Variants in DOCK9 observed in about 807,000 individuals in gnomAD.
DOCK9 encodes the protein dedicator of cytokinesis protein 9.
Under a neutral mutation model 263.3 loss-of-function variants are expected in DOCK9, and 89 were observed. That is an observed-to-expected ratio of 0.34 (90% CI 0.28 to 0.40). The LOEUF is 0.40. DOCK9 is among the 10% of genes least tolerant of loss of function. The pLI is 1.00. For missense variants in DOCK9, 2,140 were observed against 2,603.4 expected, an observed-to-expected ratio of 0.82 and a Z score of 3.87; for synonymous variants, 976 against 973.1, an observed-to-expected ratio of 1.00 and a Z score of -0.06.
chr13:98,883,846 A>G lies in DOCK9; in HGVS notation c.2436T>C (p.Ile812=). Residue 812 remains isoleucine (I), a synonymous_variant, in exon 22 of 53, where the codon ATT becomes ATC. Coordinates refer to ENST00000682017, the MANE Select transcript of DOCK9 (RefSeq NM_001366683.2). The part of the protein sequence containing the change: ...WVDGGKPLLK[I]STHLVSTVYT... ...ACACTGTAGAAACCAGATGAGTGGA[A>G]ATTTTCAGCAGTGGCTTGCCTCCAT... is the stretch of plus-strand genomic sequence containing the variant. 1 of 1,612,734 alleles carries G rather than the reference A, an allele frequency of 6.2e-7. No individual in the cohort carries two copies. Among genetic ancestry groups the G allele is most frequent in the Non-Finnish European group, 8.5e-7 (1 of 1,179,488 alleles).
chr13:98,964,710 G>A (rs1403330573), intron 1 of DOCK9, among the ~76,000 whole-genome samples: 3 of 152,262 alleles, frequency 2.0e-5, no homozygotes, highest in African/African-American at 4.8e-5. Context: ...CTGCATAAAG[G>A]GGGCTTGGGG....
chr13:98,963,177 T>A (rs550658658), intron 1 of DOCK9, among the ~76,000 whole-genome samples: 3 of 152,228 alleles, frequency 2.0e-5, no homozygotes, highest in Admixed American at 6.5e-5. Context: ...ACACCTCCCA[T>A]GGGGGCCAGA....
intron 14 of DOCK9, 44 bp downstream of exon 14, chr13:98,898,135 C>A: frequency 7.1e-7 from 1 of 1,398,708 alleles, no homozygotes; most frequent in Non-Finnish European, 1.0e-6. Flanking sequence ...CCCATCCATG[C>A]ACCTATCTAT....
intron 1 of DOCK9, among the ~76,000 whole-genome samples, chr13:99,010,725 T>TTCTACCAGAG (rs1450358240): frequency 1.3e-5 from 2 of 152,240 alleles, no homozygotes; most frequent in African/African-American, 4.8e-5. Context: ...GTACATCTCC[T>TTCTACCAGAG]AATGTAGCGC....
At chr13:98,816,500 C>T (rs1238169475) in intron 45 of DOCK9, among the ~76,000 whole-genome samples, 1 of 151,958 alleles carries the variant, frequency 6.6e-6, no homozygotes, top group African/African-American at 2.4e-5. Flanking sequence ...GAAGAAAGAA[C>T]AGTCAGGTGA....
rs1218014892 is a variant in DOCK9, at chr13:98,837,562, C to A, written c.4246G>T (p.Ala1416Ser). ...AGGCAAACCTCAGTAGCAATGTTGG[C>A]TTCAAGTAATGACTGGTGCAGAACA... is the stretch of plus-strand genomic sequence containing the variant. ...ADVLHQSLLE[A>S]NIATEVCLTA... The change falls in exon 39 of 53, where the codon GCC becomes TCC. Residue 1416 changes from alanine (A) to serine (S), a missense_variant. By Grantham distance (99) the Ala-to-Ser change is moderately conservative (BLOSUM62 1). Transcript: ENST00000682017. The A allele has an allele frequency of 2.5e-6, 4 of 1,613,660 alleles. No homozygotes were observed. The highest frequency in any genetic ancestry group is 2.5e-6 in the Non-Finnish European group (3 of 1,179,738).
At chr13:98,806,723 A>G (rs1206108700) in intron 48 of DOCK9, among the ~76,000 whole-genome samples, 2 of 152,140 alleles carry the variant, frequency 1.3e-5, no homozygotes. Context: ...AACCTGGCCA[A>G]CATGGTGAAA....
intron 48 of DOCK9, among the ~76,000 whole-genome samples, chr13:98,807,317 T>C (rs1594183095): frequency 6.6e-6 from 1 of 152,258 alleles, no homozygotes; most frequent in East Asian, 1.9e-4. Context: ...AGTGACAGAG[T>C]GGCAAGTCAT....
At chr13:98,934,952 TC>T (rs2054576804) in intron 2 of DOCK9, among the ~76,000 whole-genome samples, 1 of 152,220 alleles carries the variant, frequency 6.6e-6, no homozygotes. Flanking sequence ...TAGTTGCTAT[TC>T]TTTTAAAGCT....
At chr13:99,084,013 A>G (rs2042230908) in intron 1 of DOCK9, among the ~76,000 whole-genome samples, 1 of 152,204 alleles carries the variant, frequency 6.6e-6, no homozygotes, top group Admixed American at 6.5e-5. Flanking sequence ...ATTTCCATCT[A>G]AGGACAGATG....
chr13:99,031,737 C>T (rs1256856051), intron 1 of DOCK9, among the ~76,000 whole-genome samples: 2 of 152,238 alleles, frequency 1.3e-5, no homozygotes, highest in Non-Finnish European at 2.9e-5. Context: ...AGGTGGTTCA[C>T]ACATAGCCAA....
intron 1 of DOCK9, among the ~76,000 whole-genome samples, chr13:99,021,090 T>C (rs1477590502): frequency 2.0e-5 from 3 of 152,250 alleles, no homozygotes; most frequent in African/African-American, 7.2e-5. Context: ...AATGCCTCGT[T>C]CCTTTTATAA....
rs193127659 is a variant in DOCK9, at chr13:98,877,417, T to C, written c.2943+2481A>G. On this transcript the variant is annotated intron_variant, in intron 27 of 52. Transcript: ENST00000682017. ...GCTTGATTTTGAATATCCTTGTATG[T>C]ATTCCTGGAAGTGTTCGTTACCTCC... Among the ~76,000 whole-genome samples, 3 of 152,352 alleles carry C rather than the reference T, an allele frequency of 2.0e-5. No individual in the cohort carries two copies. The East Asian group carries it at 5.8e-4, about 29-fold the overall frequency.
upstream of DOCK9, chr13:99,088,477 T>C (rs1261993878): frequency 6.6e-6 from 1 of 152,228 alleles, no homozygotes; most frequent in African/African-American, 2.4e-5. Flanking sequence ...AATCATGAGT[T>C]AGAGCCTCCC....
In DOCK9 at chr13:98,986,394, G is replaced by A. The variant is rs369028223; in HGVS notation, c.130-30843C>T. On this transcript the variant is annotated intron_variant, in intron 1 of 32. Coordinates refer to the DOCK9 transcript ENST00000427887. ...AGGCCGCCAGGCCAACTCTAGACTCGTACTTCTGCAAAAAGGAACACACTC... is the reference window on the plus strand; with the variant it reads ...AGGCCGCCAGGCCAACTCTAGACTCATACTTCTGCAAAAAGGAACACACTC... Among the ~76,000 whole-genome samples, 38 of 152,286 alleles carry A rather than the reference G, an allele frequency of 2.5e-4. No homozygotes were observed. In the East Asian group the frequency reaches 5.2e-3, roughly 21 times the overall value.
chr13:98,865,765 C>A (rs1454549797), intron 30 of DOCK9, among the ~76,000 whole-genome samples: 2 of 152,020 alleles, frequency 1.3e-5, no homozygotes, highest in African/African-American at 4.8e-5. Context: ...GTTGGGGGCA[C>A]AGGGCAGGAA....
intron 1 of DOCK9, among the ~76,000 whole-genome samples, chr13:99,062,106 A>G: frequency 6.6e-6 from 1 of 152,088 alleles, no homozygotes; most frequent in East Asian, 1.9e-4. Context: ...TCCTGAGCCC[A>G]AGTGGTCCTC....
intron 43 of DOCK9, among the ~76,000 whole-genome samples, chr13:98,828,154 C>T (rs1367121319): frequency 6.6e-6 from 1 of 152,212 alleles, no homozygotes; most frequent in Non-Finnish European, 1.5e-5. Flanking sequence ...AGGCATGGAA[C>T]CAGTTCTCCC....
chr13:98,962,496 G>C (rs886973727), intron 1 of DOCK9, among the ~76,000 whole-genome samples: 1 of 152,322 alleles, frequency 6.6e-6, no homozygotes, highest in East Asian at 1.9e-4. Flanking sequence ...TAGGAAAGCC[G>C]AGCTGTGCAG....
Sources: gnomAD v4.1 joint callset for allele counts (sites outside exome capture counted in the v4.1 genomes callset) on GRCh38, gnomAD v4.1.1 for gene constraint, MANE v1.5 for transcripts, NCBI Gene and HGNC (gene_info 2026-07-23, HGNC 2026-07-21) for gene names.